The following STXBP4 variants were observed in gnomAD, a reference collection of about 807,000 sequenced individuals.
STXBP4 encodes the protein syntaxin-binding protein 4.
STXBP4 carries 55 observed loss-of-function variants against 76.1 expected under a neutral mutation model. That is an observed-to-expected ratio of 0.72 (90% CI 0.58 to 0.91). STXBP4 has a LOEUF of 0.91. Ranked by LOEUF, STXBP4 falls within the 40% of genes least tolerant of loss-of-function variation. The pLI, the probability that STXBP4 is intolerant of heterozygous loss-of-function variation, is 0.00. For synonymous variants in STXBP4, 201 were observed against 220.2 expected (o/e 0.91, Z 0.77); for missense variants, 618 against 636.9 (o/e 0.97, Z 0.32).
At chr17:55,138,841 G>A (rs1474377773) in intron 16 of STXBP4, among the ~76,000 whole-genome samples, 1 of 152,022 alleles carries the variant, frequency 6.6e-6, no homozygotes, top group African/African-American at 2.4e-5. Flanking sequence ...GTATAAGGTA[G>A]GCTATTTGTG....
chr17:55,170,199 A>C lies in STXBP4; in HGVS notation c.*10288A>C, dbSNP rs1215650033. 1 of 152,224 alleles carries C rather than the reference A, an allele frequency of 6.6e-6. No homozygotes were observed. The highest frequency in any genetic ancestry group is 1.5e-5 in the Non-Finnish European group (1 of 68,040). 9.4% of individuals were successfully genotyped at this position (152,224 alleles called of 1,614,324 possible). A position where few individuals can be genotyped will look rare whatever the true frequency, so the allele number is the denominator to read the frequency against. ...GACCCCAAGTTTAGACCAAAATAAA[A>C]AAATGCTTAAAAGGCTTATTAAAGC... On this transcript the variant is annotated 3_prime_UTR_variant, in exon 18 of 18. Transcript: ENST00000376352.
intron 12 of STXBP4, among the ~76,000 whole-genome samples, chr17:55,050,116 C>G (rs2078841272): frequency 6.6e-6 from 1 of 151,916 alleles, no homozygotes; most frequent in Non-Finnish European, 1.5e-5. Flanking sequence ...ATAAAACTGT[C>G]TTTTTTTGCA....
intron 16 of STXBP4, among the ~76,000 whole-genome samples, chr17:55,101,494 T>G (rs772459704): frequency 4.0e-4 from 61 of 152,306 alleles, no homozygotes; most frequent in Middle Eastern, 3.4e-3. Flanking sequence ...TACCATCTGA[T>G]GTTGTCTCAT....
chr17:54,970,759 AAT>A (rs369472549), intron 1 of STXBP4, among the ~76,000 whole-genome samples: 70 of 152,320 alleles, frequency 4.6e-4, no homozygotes, highest in Middle Eastern at 3.4e-3. Context: ...TAGCAGTATA[AAT>A]ATATGTCAGT....
chr17:55,114,025 T>C (rs969822870), intron 16 of STXBP4, among the ~76,000 whole-genome samples: 1 of 152,074 alleles, frequency 6.6e-6, no homozygotes, highest in Non-Finnish European at 1.5e-5. Flanking sequence ...ATAAGCTTAT[T>C]CATTCTAGTA....
chr17:55,130,959 G>T (rs1414767719), intron 16 of STXBP4, among the ~76,000 whole-genome samples: 1 of 152,196 alleles, frequency 6.6e-6, no homozygotes, highest in Non-Finnish European at 1.5e-5. Context: ...TGGCTATTGG[G>T]AGTAATGCCG....
intron 1 of STXBP4, among the ~76,000 whole-genome samples, chr17:54,971,177 A>G (rs2077394617): frequency 6.6e-6 from 1 of 152,216 alleles, no homozygotes; most frequent in African/African-American, 2.4e-5. Context: ...TTACTTGTTT[A>G]TTTCCTATTA....
chr17:55,143,581 C>T (rs945325276), intron 17 of STXBP4, among the ~76,000 whole-genome samples: 2 of 152,156 alleles, frequency 1.3e-5, no homozygotes, highest in Non-Finnish European at 2.9e-5. Context: ...TTCTTTGCAG[C>T]CTGGAACAAT....
chr17:55,137,082 T>C (rs976125857), intron 16 of STXBP4, among the ~76,000 whole-genome samples: 5 of 152,176 alleles, frequency 3.3e-5, no homozygotes, highest in South Asian at 2.1e-4. Flanking sequence ...TCTATTTATA[T>C]AGAAAGTTCA....
At position 55,047,152 on chromosome 17, in the gene STXBP4, CAAGT is replaced by C. The variant is rs777340725; in HGVS notation, c.1011+4_1011+7del. The C allele has an allele frequency of 1.9e-6, 3 of 1,589,888 alleles. No homozygotes were observed. Among genetic ancestry groups the C allele is most frequent in the Non-Finnish European group, 2.6e-6 (3 of 1,160,910 alleles). On this transcript the variant is annotated splice_donor_variant and coding_sequence_variant, in exon 12 of 18. Transcript: ENST00000376352. LOFTEE classifies it high-confidence loss of function. The stretch of plus-strand genomic sequence containing the variant: ...GACAGAAGAGCTCCAGAATGTGAAA[CAAGT>C]AAGTATATGTATTGTGTATATATGT...
chr17:55,033,663 T>C (rs1306226731), intron 9 of STXBP4, among the ~76,000 whole-genome samples: 1 of 152,182 alleles, frequency 6.6e-6, no homozygotes, highest in African/African-American at 2.4e-5. Context: ...TTGAAGGCAT[T>C]TAACCTGTCT....
chr17:55,007,339 C>CAA lies in STXBP4; in HGVS notation c.575-156_575-155dup, dbSNP rs374486256. ...ACAGAGTGAGACTCTGTCCCCCCTC[C>CAA]AAAAAAAAAAAAGAAAAGAAAAAAA... On this transcript the variant is annotated intron_variant, in intron 7 of 17. Coordinates refer to ENST00000376352, the MANE Select transcript of STXBP4 (RefSeq NM_178509.6). Among the ~76,000 whole-genome samples, 21 of 120,680 alleles carry CAA rather than the reference C, an allele frequency of 1.7e-4. No individual in the cohort carries two copies. The East Asian group carries it at 2.5e-3, about 14-fold the overall frequency. The allele number at this position is 120,680 out of a possible 152,430, so 79.2% of individuals were successfully genotyped here. A position where few individuals can be genotyped will look rare whatever the true frequency, so the allele number is the denominator to read the frequency against.
At chr17:55,206,291 A>C in the STXBP4 span, among the ~76,000 whole-genome samples, 2 of 152,166 alleles carry the variant, frequency 1.3e-5, no homozygotes, top group South Asian at 2.1e-4. Flanking sequence ...GATTGTTTAC[A>C]TGCCCCCCAA....
intron 3 of STXBP4, among the ~76,000 whole-genome samples, chr17:54,989,773 G>A (rs893593525): frequency 2.6e-5 from 4 of 152,156 alleles, no homozygotes; most frequent in Admixed American, 1.3e-4. Context: ...AATGCAACTT[G>A]GATATCCCTT....
intron 16 of STXBP4, among the ~76,000 whole-genome samples, chr17:55,081,424 GAATA>G (rs2079253697): frequency 6.6e-6 from 1 of 152,120 alleles, no homozygotes; most frequent in Non-Finnish European, 1.5e-5. Context: ...TGAAATGGCA[GAATA>G]AATGTAAAAA....
At chr17:55,061,150 A>G (rs772139727) in intron 12 of STXBP4, among the ~76,000 whole-genome samples, 4 of 152,210 alleles carry the variant, frequency 2.6e-5, no homozygotes, top group Non-Finnish European at 5.9e-5. Flanking sequence ...TTGAACATGA[A>G]TCAAGTAACA....
chr17:55,054,785 G>A (rs2078904203), intron 12 of STXBP4, among the ~76,000 whole-genome samples: 1 of 151,972 alleles, frequency 6.6e-6, no homozygotes, highest in African/African-American at 2.4e-5. Flanking sequence ...TTAAGAGGTG[G>A]AAATGATTTG....
At chr17:55,078,629 T>C in intron 14 of STXBP4, 57 bp from the exon 15 acceptor site, 1 of 1,084,438 alleles carries the variant, frequency 9.2e-7, no homozygotes, top group Non-Finnish European at 1.4e-6. Flanking sequence ...GAAGAAAAGA[T>C]ATTTTTTAAA....
rs371898468 is a variant in STXBP4 at position 55,108,456 on chromosome 17, GA to G, written c.1489+27281del. ...GGTGTTCCAGCTGCCATTGGGGTGTGAAAAAAAACTCCTGCAACTAGCTCAG... is the reference window on the plus strand; with the variant it reads ...GGTGTTCCAGCTGCCATTGGGGTGTGAAAAAAACTCCTGCAACTAGCTCAG... On this transcript the variant is annotated intron_variant, in intron 16 of 17. Coordinates refer to ENST00000376352, the MANE Select transcript of STXBP4 (RefSeq NM_178509.6). 1.4e-3 allele frequency among the ~76,000 whole-genome samples: 213 copies of G among 152,000 alleles called. 1 individual carries two copies. The highest frequency in any genetic ancestry group is 4.9e-3 in the African/African-American group (203 of 41,446).
Sources: allele counts gnomAD v4.1 joint callset (sites outside exome capture counted in the v4.1 genomes callset), GRCh38; gene constraint gnomAD v4.1.1; transcripts MANE v1.5; gene names NCBI Gene and HGNC (gene_info 2026-07-23, HGNC 2026-07-21).